The following PPP1R12B variants were observed in gnomAD, a reference collection of about 807,000 sequenced individuals.
PPP1R12B encodes the protein myosin phosphatase target subunit 2.
PPP1R12B carries 76 observed loss-of-function variants against 126.1 expected under a neutral mutation model. The ratio of observed to expected loss-of-function variants is 0.60; its 90% CI spans 0.50 to 0.73. The LOEUF is 0.73. Ranked by LOEUF, PPP1R12B falls within the 30% of genes least tolerant of loss-of-function variation. The pLI is 0.00. For missense variants in PPP1R12B, 1,052 were observed against 1,205.1 expected, an observed-to-expected ratio of 0.87 and a Z score of 1.88; for synonymous variants, 356 against 434.7, an observed-to-expected ratio of 0.82 and a Z score of 2.25.
In PPP1R12B at chr1:202,403,491, A is replaced by T. The variant is rs1250308844; in HGVS notation, c.292-13296A>T. On this transcript the variant is annotated intron_variant, in intron 1 of 23. Coordinates refer to ENST00000608999, the MANE Select transcript of PPP1R12B (RefSeq NM_002481.4). ...AGATTTCAGCTGTAGCTGAGACCTT[A>T]TACTGTAACCTCAATTCCCCTGTTG... Among the ~76,000 whole-genome samples the T allele has an allele frequency of 2.0e-5, 3 of 152,244 alleles. No individual in the cohort carries two copies. The East Asian group carries it at 5.8e-4, about 29-fold the overall frequency.
At chr1:202,381,017 T>C (rs1331521586) in intron 1 of PPP1R12B, among the ~76,000 whole-genome samples, 2 of 152,248 alleles carry the variant, frequency 1.3e-5, no homozygotes, top group African/African-American at 2.4e-5. Context: ...CTCTCTCTTA[T>C]TGACGTGTAC....
At chr1:202,381,186 A>G (rs1475970018) in intron 1 of PPP1R12B, among the ~76,000 whole-genome samples, 1 of 152,154 alleles carries the variant, frequency 6.6e-6, no homozygotes, top group African/African-American at 2.4e-5. Flanking sequence ...CCTCAAGGTT[A>G]TTTGGAATTA....
At chr1:202,418,259 T>C (rs1645121243) in intron 2 of PPP1R12B, among the ~76,000 whole-genome samples, 1 of 152,184 alleles carries the variant, frequency 6.6e-6, no homozygotes, top group Admixed American at 6.5e-5. Flanking sequence ...TTAAGAAACA[T>C]TTATAGAACA....
chr1:202,461,289 TA>T (rs921045842), intron 13 of PPP1R12B, among the ~76,000 whole-genome samples: 17 of 152,142 alleles, frequency 1.1e-4, no homozygotes, highest in Admixed American at 1.0e-3. Flanking sequence ...TCCTCATATG[TA>T]AAAAAGGGAT....
chr1:202,426,492 G>A (rs1669523630), intron 4 of PPP1R12B, among the ~76,000 whole-genome samples: 1 of 152,194 alleles, frequency 6.6e-6, no homozygotes. Context: ...AAAAATTGGA[G>A]ATATGTGGGT....
chr1:202,479,675 A>T (rs1366043524), intron 13 of PPP1R12B, among the ~76,000 whole-genome samples: 1 of 152,236 alleles, frequency 6.6e-6, no homozygotes, highest in Non-Finnish European at 1.5e-5. Flanking sequence ...GCTTCCAATC[A>T]GCTCAGTCTC....
At chr1:202,568,065 G>A (rs543112173) in intron 22 of PPP1R12B, among the ~76,000 whole-genome samples, 1 of 152,162 alleles carries the variant, frequency 6.6e-6, no homozygotes, top group Non-Finnish European at 1.5e-5. Context: ...TAGTCTTAGG[G>A]TGGGAAGGGT....
intron 18 of PPP1R12B, among the ~76,000 whole-genome samples, chr1:202,556,630 C>G (rs1200101827): frequency 2.0e-5 from 3 of 152,128 alleles, no homozygotes; most frequent in East Asian, 1.9e-4. Context: ...TAGTTGGAGC[C>G]AATGGGTTAC....
intron 18 of PPP1R12B, among the ~76,000 whole-genome samples, chr1:202,545,590 G>T (rs1427530118): frequency 1.3e-5 from 2 of 152,216 alleles, no homozygotes; most frequent in African/African-American, 2.4e-5. Flanking sequence ...TTGGACACCA[G>T]TATTCATAAA....
At chr1:202,573,844 T>C (rs1688846586) in intron 23 of PPP1R12B, among the ~76,000 whole-genome samples, 1 of 152,222 alleles carries the variant, frequency 6.6e-6, no homozygotes, top group Non-Finnish European at 1.5e-5. Context: ...TGGGCTTTTA[T>C]GGTTTCTCCA....
At chr1:202,371,001 C>CTTTTTT (rs774584500) in intron 1 of PPP1R12B, among the ~76,000 whole-genome samples, 12 of 109,132 alleles carry the variant, frequency 1.1e-4, no homozygotes, top group Admixed American at 2.9e-4. Context: ...TGCTCCACAT[C>CTTTTTT]TTTTTTTTTT....
At chr1:202,505,283 T>C (rs963108864) in intron 18 of PPP1R12B, among the ~76,000 whole-genome samples, 4 of 152,238 alleles carry the variant, frequency 2.6e-5, no homozygotes, top group Non-Finnish European at 4.4e-5. Context: ...GCTTTCATTT[T>C]TATGCCTAAA....
At chr1:202,375,542 G>A (rs1661036048) in intron 1 of PPP1R12B, among the ~76,000 whole-genome samples, 1 of 152,112 alleles carries the variant, frequency 6.6e-6, no homozygotes, top group South Asian at 2.1e-4. Context: ...AGCCTCCCAT[G>A]GCATAACCTA....
chr1:202,352,961 A>G (rs1304891047), intron 1 of PPP1R12B, among the ~76,000 whole-genome samples: 2 of 152,192 alleles, frequency 1.3e-5, no homozygotes, highest in Non-Finnish European at 2.9e-5. Context: ...TCAAGGTCAC[A>G]CCAGACTGGA....
intron 18 of PPP1R12B, among the ~76,000 whole-genome samples, chr1:202,556,430 C>T (rs1333878175): frequency 6.6e-6 from 1 of 151,942 alleles, no homozygotes; most frequent in East Asian, 1.9e-4. Context: ...GTGTTCTGGC[C>T]CTGTAGGTAC....
chr1:202,456,277 AAAAGAAAG>A (rs530699602), intron 13 of PPP1R12B, among the ~76,000 whole-genome samples: 101 of 152,032 alleles, frequency 6.6e-4, no homozygotes, highest in African/African-American at 1.8e-3. Flanking sequence ...TCAAAAAAAA[AAAAGAAAG>A]AAAGAAAGAA....
intron 1 of PPP1R12B, among the ~76,000 whole-genome samples, chr1:202,370,657 C>G (rs924837888): frequency 2.0e-5 from 3 of 152,118 alleles, no homozygotes; most frequent in African/African-American, 7.2e-5. Flanking sequence ...CTGCCTCAGC[C>G]TCCCTAGTAG....
chr1:202,366,417 G>C (rs1458286370), intron 1 of PPP1R12B, among the ~76,000 whole-genome samples: 1 of 151,324 alleles, frequency 6.6e-6, no homozygotes, highest in African/African-American at 2.4e-5. Flanking sequence ...TACTCGGGAG[G>C]CTGAGGCAGG....
At chr1:202,567,674 A>C in intron 21 of PPP1R12B, 104 bp from the exon 22 acceptor site, 1 of 1,257,186 alleles carries the variant, frequency 8.0e-7, no homozygotes, top group Non-Finnish European at 1.1e-6. Context: ...CCAAAGTTTT[A>C]CTGTTTATTT....
Sources: allele counts gnomAD v4.1 joint callset (sites outside exome capture counted in the v4.1 genomes callset), GRCh38; gene constraint gnomAD v4.1.1; transcripts MANE v1.5; gene names NCBI Gene and HGNC (gene_info 2026-07-23, HGNC 2026-07-21).